Variants in RPS6KA2 observed in about 807,000 individuals in gnomAD.
RPS6KA2 encodes the protein ribosomal protein S6 kinase A2, also known as ribosomal protein S6 kinase alpha-2.
RPS6KA2 carries 42 observed loss-of-function variants against 91.8 expected under a neutral mutation model. The observed-to-expected ratio is 0.46, with a 90% CI of 0.36 to 0.59. The LOEUF (loss-of-function observed/expected upper bound fraction) is 0.59, where lower values mean the gene tolerates loss of function less well. RPS6KA2 is among the 20% of genes least tolerant of loss of function. The pLI is 0.00. For synonymous variants in RPS6KA2, 414 were observed against 393.6 expected, an observed-to-expected ratio of 1.05 and a Z score of -0.61; for missense variants, 798 against 978.5, an observed-to-expected ratio of 0.82 and a Z score of 2.46.
intron 2 of RPS6KA2, among the ~76,000 whole-genome samples, chr6:166,793,798 C>T (rs2128615156): frequency 6.6e-6 from 1 of 152,134 alleles, no homozygotes; most frequent in South Asian, 2.1e-4. Flanking sequence ...ACTGGCTAGC[C>T]ATATGTAGAA....
intron 2 of RPS6KA2, among the ~76,000 whole-genome samples, chr6:166,762,579 G>T (rs527899994): frequency 6.6e-6 from 1 of 152,322 alleles, no homozygotes; most frequent in South Asian, 2.1e-4. Context: ...GCACTGGGCT[G>T]TAAGCCGGCA....
intron 2 of RPS6KA2, among the ~76,000 whole-genome samples, chr6:166,716,760 T>G (rs1344929448): frequency 6.6e-6 from 1 of 152,190 alleles, no homozygotes; most frequent in Non-Finnish European, 1.5e-5. Context: ...ACGTGAAAAT[T>G]TAACACGGAA....
rs186963503 is a variant in RPS6KA2, at chr6:166,591,140, C to T, written c.99+35781G>A. ...GGTTGCAGCCCAGGCATTTCACAGTCGCCCAGGCACTCTTCATAGATGCAG... is the reference window on the plus strand; with the variant it reads ...GGTTGCAGCCCAGGCATTTCACAGTTGCCCAGGCACTCTTCATAGATGCAG... On this transcript the variant is annotated intron_variant, in intron 1 of 20. Coordinates refer to ENST00000265678, the MANE Select transcript of RPS6KA2 (RefSeq NM_021135.6). Among the ~76,000 whole-genome samples, 130 of 152,344 alleles carry T rather than the reference C, an allele frequency of 8.5e-4. 1 individual carries two copies. Among genetic ancestry groups the T allele is most frequent in the African/African-American group, 2.9e-3 (121 of 41,586 alleles).
At chr6:166,783,064 T>C (rs1443457422) in intron 2 of RPS6KA2, among the ~76,000 whole-genome samples, 2 of 79,904 alleles carry the variant, frequency 2.5e-5, no homozygotes, top group African/African-American at 1.1e-4. Context: ...TTATTATTAT[T>C]ATTATTATTA....
chr6:166,474,865 C>T (rs1180886079), intron 10 of RPS6KA2, among the ~76,000 whole-genome samples: 3 of 152,152 alleles, frequency 2.0e-5, no homozygotes, highest in Non-Finnish European at 4.4e-5. Flanking sequence ...GGGAGCAGCG[C>T]CAAGCACAGA....
chr6:166,698,077 T>C (rs1343826586), intron 2 of RPS6KA2, among the ~76,000 whole-genome samples: 2 of 152,184 alleles, frequency 1.3e-5, no homozygotes, highest in Non-Finnish European at 2.9e-5. Context: ...CGGCTGGGAT[T>C]CCTGTCTGTG....
At chr6:166,728,458 A>C (rs4448067) in intron 2 of RPS6KA2, among the ~76,000 whole-genome samples, 5 of 152,052 alleles carry the variant, frequency 3.3e-5, no homozygotes, top group African/African-American at 4.8e-5. Flanking sequence ...GGTACATGAC[A>C]AGCCTATTCT....
At chr6:166,519,937 GGTGTGT>G (rs1393120988) in intron 3 of RPS6KA2, among the ~76,000 whole-genome samples, 1 of 152,038 alleles carries the variant, frequency 6.6e-6, no homozygotes, top group Admixed American at 6.5e-5. Flanking sequence ...ATGATTTCTG[GGTGTGT>G]GTGTGAGGGC....
intron 1 of RPS6KA2, 135 bp from the exon 2 acceptor site, chr6:166,538,919 A>G (rs1583256881): frequency 1.8e-6 from 1 of 546,546 alleles, no homozygotes; most frequent in South Asian, 2.7e-5. Flanking sequence ...AAGTGGAGAC[A>G]CCATTTAGTT....
Position 166,490,199 on chromosome 6 carries a change from T to G in RPS6KA2, c.818+472A>C, listed in dbSNP as rs986624825. 2.6e-5 allele frequency among the ~76,000 whole-genome samples: 4 copies of G among 151,762 alleles called. No individual in the cohort carries two copies. Among genetic ancestry groups the G allele is most frequent in the African/African-American group, 9.7e-5 (4 of 41,264 alleles). On this transcript the variant is annotated intron_variant, in intron 9 of 20. Transcript: ENST00000265678. This position sits in a 1 kb window ranked among gnomAD's most constrained non-coding sequence, Gnocchi z 4.2. ...GAGTCCTGCCAAGGTCAACCAGGAG[T>G]GCTATATGAATGGGGTCAGCAGGTG...
chr6:166,450,324 G>A (rs1218829692), intron 13 of RPS6KA2, among the ~76,000 whole-genome samples: 3 of 148,428 alleles, frequency 2.0e-5, no homozygotes, highest in Non-Finnish European at 4.5e-5. Context: ...CCACCAGGGG[G>A]ACCACCACAG....
chr6:166,475,747 A>G (rs775699362), intron 10 of RPS6KA2: 3 of 529,248 alleles, frequency 5.7e-6, no homozygotes, highest in Non-Finnish European at 7.7e-6. Context: ...TTTTATCTTC[A>G]GGGGATGTGG....
intron 14 of RPS6KA2, among the ~76,000 whole-genome samples, chr6:166,442,807 G>C (rs1656383908): frequency 6.6e-6 from 1 of 152,164 alleles, no homozygotes; most frequent in South Asian, 2.1e-4. Flanking sequence ...GCTCTCTCAA[G>C]GTATGTGTAT....
chr6:166,836,717 C>T (rs977922555), intron 2 of RPS6KA2, among the ~76,000 whole-genome samples: 2 of 152,200 alleles, frequency 1.3e-5, no homozygotes, highest in African/African-American at 4.8e-5. Flanking sequence ...GTTCTAGCGT[C>T]TGGGCCAGTC....
At position 166,635,269 on chromosome 6, in the gene RPS6KA2, G is replaced by T. The variant is rs190409574; in HGVS notation, c.124-96485C>A. On this transcript the variant is annotated intron_variant, in intron 2 of 21. Transcript: ENST00000503859. The surrounding 1 kb of genome is among the most constrained non-coding windows in gnomAD (Gnocchi z 4.8). Reference sequence around the variant, plus strand: ...GCGCATCTACTGTGCCTGCTGCTGTGGGCTGTGCTGAGGCTGGGATCTGAG... The same window carrying T: ...GCGCATCTACTGTGCCTGCTGCTGTTGGCTGTGCTGAGGCTGGGATCTGAG... Among the ~76,000 whole-genome samples, 2 of 152,302 alleles carry T rather than the reference G, an allele frequency of 1.3e-5. No homozygotes were observed. The highest frequency in any genetic ancestry group is 4.8e-5 in the African/African-American group (2 of 41,568).
rs1453186241 is a variant in RPS6KA2, at chr6:166,665,194, G to A, written c.124-126410C>T. ...AACATCTGCAGGGCTCACAGACAGA[G>A]GAATGCCCCCCAAGATACTAACTCA... is the stretch of plus-strand genomic sequence containing the variant. On this transcript the variant is annotated intron_variant, in intron 2 of 21. Transcript: ENST00000503859. This position sits in a 1 kb window ranked among gnomAD's most constrained non-coding sequence, Gnocchi z 4.5. 1.3e-5 allele frequency among the ~76,000 whole-genome samples: 2 copies of A among 152,028 alleles called. No individual in the cohort carries two copies. The highest frequency in any genetic ancestry group is 2.9e-5 in the Non-Finnish European group (2 of 68,032).
rs923435751 is a variant in RPS6KA2, at chr6:166,508,822, G to A, written c.380-540C>T. ...CATCAACAATGGGGCTCACGTCCTA[G>A]GTCTGGTCACTGTGAGCTATAACTG... is the stretch of plus-strand genomic sequence containing the variant. On this transcript the variant is annotated intron_variant, in intron 4 of 20. Coordinates refer to ENST00000265678, the MANE Select transcript of RPS6KA2 (RefSeq NM_021135.6). The surrounding 1 kb of genome is among the most constrained non-coding windows in gnomAD (Gnocchi z 4.3). Among the ~76,000 whole-genome samples, 6 of 152,198 alleles carry A rather than the reference G, an allele frequency of 3.9e-5. No individual in the cohort carries two copies. Among genetic ancestry groups the A allele is most frequent in the Non-Finnish European group, 7.3e-5 (5 of 68,042 alleles).
intron 2 of RPS6KA2, among the ~76,000 whole-genome samples, chr6:166,781,832 C>G (rs7768490): frequency 0.22 from 32,777 of 152,140 alleles, 4,366 homozygotes; most frequent in African/African-American, 0.37. Context: ...TCAGAGCCGA[C>G]TATGGGCAGA....
chr6:166,842,899 C>A (rs1359108858), intron 2 of RPS6KA2, among the ~76,000 whole-genome samples: 1 of 152,168 alleles, frequency 6.6e-6, no homozygotes, highest in Non-Finnish European at 1.5e-5. Context: ...AGAGAATCCA[C>A]GGACCCTTTG....
Sources: gnomAD v4.1 joint callset for allele counts (sites outside exome capture counted in the v4.1 genomes callset) on GRCh38, gnomAD v4.1.1 for gene constraint, Gnocchi (gnomAD v3.1) non-coding constraint, MANE v1.5 for transcripts, NCBI Gene and HGNC (gene_info 2026-07-23, HGNC 2026-07-21) for gene names.